The following CEACAM19 variants were observed in gnomAD, a reference collection of about 807,000 sequenced individuals.
CEACAM19 encodes the protein cell adhesion molecule CEACAM19.
In CEACAM19, 37 loss-of-function variants were observed where a neutral mutation model predicts 37.6. The observed-to-expected ratio is 0.98, with a 90% CI of 0.76 to 1.29. The LOEUF (loss-of-function observed/expected upper bound fraction) is 1.29, where lower values mean the gene tolerates loss of function less well. Ranked by LOEUF, CEACAM19 falls within the 50% of genes most tolerant of loss-of-function variation. The probability of loss-of-function intolerance (pLI) is 0.00; values close to 1 mark genes in which losing one functional copy is unlikely to be tolerated. For synonymous variants in CEACAM19, 140 were observed against 149.8 expected, an observed-to-expected ratio of 0.93 and a Z score of 0.48; for missense variants, 340 against 375.6, an observed-to-expected ratio of 0.91 and a Z score of 0.78.
rs1443550556 is a variant in CEACAM19 at position 44,684,315 on chromosome 19, C to T, written c.*825C>T. The T allele has an allele frequency of 6.6e-6, 1 of 152,114 alleles. No individual in the cohort carries two copies. The highest frequency in any genetic ancestry group is 6.6e-5 in the Admixed American group (1 of 15,254). 9.4% of individuals were successfully genotyped at this position (152,114 alleles called of 1,614,324 possible). On this transcript the variant is annotated 3_prime_UTR_variant, in exon 8 of 8. Transcript: ENST00000358777. ...AAACTCCCGCTTTCCCAGAGGGTCA[C>T]TTGGCAGGGGAAAGAATCAGGAAAT...
At chr19:44,677,170 A>G (rs774619159) in intron 3 of CEACAM19, among the ~76,000 whole-genome samples, 7 of 152,016 alleles carry the variant, frequency 4.6e-5, no homozygotes, top group Non-Finnish European at 7.4e-5. Flanking sequence ...CCCCAAGTCT[A>G]CCTCTCATTG....
rs373913715 is a variant in CEACAM19, at chr19:44,683,430, C to G, written c.847-7C>G. ...TCATAATTCTGTTCTCTCTTCCCCC[C>G]AAGCAGGACCTGCTAAACCCCGACC... On this transcript the variant is annotated splice_region_variant and splice_polypyrimidine_tract_variant and intron_variant, in intron 7 of 7. Coordinates refer to ENST00000358777, the MANE Select transcript of CEACAM19 (RefSeq NM_001127893.3). 2 of 1,527,156 alleles carry G rather than the reference C, an allele frequency of 1.3e-6. No individual in the cohort carries two copies. Among genetic ancestry groups the G allele is most frequent in the South Asian group, 1.2e-5 (1 of 81,774 alleles). 94.6% of individuals were successfully genotyped at this position (1,527,156 alleles called of 1,614,324 possible). A position where few individuals can be genotyped will look rare whatever the true frequency, so the allele number is the denominator to read the frequency against.
At chr19:44,679,080 C>T in intron 4 of CEACAM19, 144 bp downstream of exon 4, 2 of 1,268,756 alleles carry the variant, frequency 1.6e-6, no homozygotes, top group Middle Eastern at 2.4e-4. Flanking sequence ...GTAGCCTCGA[C>T]CTCCCTGGTT....
At chr19:44,667,221 A>C (rs978639943), upstream of CEACAM19, 10 of 151,652 alleles carry the variant, frequency 6.6e-5, no homozygotes, top group African/African-American at 2.4e-4. Context: ...ACTCAGACAC[A>C]CACAAAGTGC....
chr19:44,683,540 T>A lies in CEACAM19; in HGVS notation c.*50T>A, dbSNP rs1974104231. 1 of 1,222,224 alleles carries A rather than the reference T, an allele frequency of 8.2e-7. No individual in the cohort carries two copies. Among genetic ancestry groups the A allele is most frequent in the Non-Finnish European group, 1.1e-6 (1 of 884,648 alleles). The allele number at this position is 1,222,224 out of a possible 1,614,324, so 75.7% of individuals were successfully genotyped here. On this transcript the variant is annotated 3_prime_UTR_variant, in exon 8 of 8. Coordinates refer to ENST00000358777, the MANE Select transcript of CEACAM19 (RefSeq NM_001127893.3). ...GGAGAAGACAAGGCCCCAGCCCTCCTCTGGGAGCCTCACACCTGAGACCAG... is the reference window on the plus strand; with the variant it reads ...GGAGAAGACAAGGCCCCAGCCCTCCACTGGGAGCCTCACACCTGAGACCAG...
At chr19:44,679,340 C>T (rs1184799568) in intron 4 of CEACAM19, among the ~76,000 whole-genome samples, 1 of 152,186 alleles carries the variant, frequency 6.6e-6, no homozygotes, top group African/African-American at 2.4e-5. Context: ...TGCAGTGGCT[C>T]ATGCCTGTAA....
chr19:44,668,968 C>G (rs1291327259), upstream of CEACAM19, among the ~76,000 whole-genome samples: 2 of 148,026 alleles, frequency 1.4e-5, no homozygotes, highest in South Asian at 2.1e-4. Flanking sequence ...TACAGGCATG[C>G]GCCACCACGG....
chr19:44,668,521 A>G (rs1973791187), upstream of CEACAM19, among the ~76,000 whole-genome samples: 1 of 40,572 alleles, frequency 2.5e-5, no homozygotes, highest in Non-Finnish European at 4.3e-5. Context: ...TAGTTATAAT[A>G]TAAATATATA....
upstream of CEACAM19, among the ~76,000 whole-genome samples, chr19:44,668,683 TTATAA>T (rs1366713218): frequency 1.9e-3 from 131 of 67,704 alleles, 15 homozygotes; most frequent in African/African-American, 8.2e-3. Flanking sequence ...ATATTATATA[TTATAA>T]TATATTATAT....
chr19:44,675,967 C>T (rs1011487636), intron 2 of CEACAM19, among the ~76,000 whole-genome samples: 1 of 151,756 alleles, frequency 6.6e-6, no homozygotes, highest in African/African-American at 2.4e-5. Context: ...GATAGGGTCT[C>T]ACTATGTTGC....
At chr19:44,668,531 A>ACACATT (rs1568512947), upstream of CEACAM19, among the ~76,000 whole-genome samples, 34 of 39,708 alleles carry the variant, frequency 8.6e-4, 3 homozygotes, top group African/African-American at 3.7e-3. Context: ...ATAAATATAT[A>ACACATT]ATATATGTAT....
chr19:44,675,316 C>T (rs1265984531), intron 2 of CEACAM19, among the ~76,000 whole-genome samples: 1 of 152,040 alleles, frequency 6.6e-6, no homozygotes, highest in Non-Finnish European at 1.5e-5. Flanking sequence ...AACAGATGTC[C>T]AGCTTGAGAG....
Position 44,681,297 on chromosome 19 carries a change from C to T in CEACAM19, c.777C>T (p.Ser259=). ...TGTCCCCCATCAGTGACACAAGGTC[C>T]ATAAACCCAGCCCGGGTGAGTCCCG... The part of the protein sequence containing the change: ...LLVSPISDTR[S]INPARPLPTP... Residue 259 remains serine (S), a synonymous_variant, in exon 6 of 8, where the codon TCC becomes TCT. Transcript: ENST00000358777. 1 of 1,613,734 alleles carries T rather than the reference C, an allele frequency of 6.2e-7. No homozygotes were observed. The highest frequency in any genetic ancestry group is 1.1e-5 in the South Asian group (1 of 91,044).
chr19:44,669,777 G>A (rs939869278), upstream of CEACAM19, among the ~76,000 whole-genome samples: 2 of 152,160 alleles, frequency 1.3e-5, no homozygotes, highest in African/African-American at 2.4e-5. Flanking sequence ...CTCCCTAGCC[G>A]TCAGGTTGAA....
At chr19:44,677,802 A>C (rs889576601) in intron 3 of CEACAM19, 10 of 151,840 alleles carry the variant, frequency 6.6e-5, no homozygotes, top group African/African-American at 2.4e-4. Context: ...CAGCCTCCCA[A>C]GTAGCTGAGA....
chr19:44,676,156 G>A, intron 2 of CEACAM19, 115 bp from the exon 3 acceptor site: 1 of 1,077,584 alleles, frequency 9.3e-7, no homozygotes, highest in Non-Finnish European at 1.3e-6. Context: ...GCTGGAAATA[G>A]GAAACTGCAC....
intron 2 of CEACAM19, 26 bp downstream of exon 2, chr19:44,672,990 G>A: frequency 2.1e-6 from 3 of 1,447,110 alleles, no homozygotes; most frequent in Non-Finnish European, 2.7e-6. Flanking sequence ...TGGGGATGAG[G>A]TGAGGAAGCT....
upstream of CEACAM19, among the ~76,000 whole-genome samples, chr19:44,667,663 AATATAAATATATATTATAT>A (rs1162068182): frequency 1.9e-4 from 17 of 88,922 alleles, no homozygotes; most frequent in African/African-American, 8.0e-4. Context: ...TAGATATATA[AATATAAATATATATTATAT>A]ATATAAATAT....
At chr19:44,678,753 T>A in intron 3 of CEACAM19, 100 bp from the exon 4 acceptor site, 324 of 1,292,334 alleles carry the variant, frequency 2.5e-4, no homozygotes, top group Non-Finnish European at 3.2e-4. Flanking sequence ...TTCCACCCCC[T>A]CCCCCCTCTC....
Sources: allele counts gnomAD v4.1 joint callset (sites outside exome capture counted in the v4.1 genomes callset), GRCh38; gene constraint gnomAD v4.1.1; transcripts MANE v1.5; gene names NCBI Gene and HGNC (gene_info 2026-07-23, HGNC 2026-07-21).